CNTNAP5: variants seen among roughly 807,000 people sequenced by gnomAD.
The protein encoded by CNTNAP5 is contactin associated protein family member 5, also known as contactin-associated protein-like 5.
In CNTNAP5, 72 loss-of-function variants were observed where a neutral mutation model predicts 150.2. The ratio of observed to expected loss-of-function variants is 0.48; its 90% confidence interval spans 0.40 to 0.58. The LOEUF (loss-of-function observed/expected upper bound fraction) is 0.58, where lower values mean the gene tolerates loss of function less well. Among genes scored for constraint, CNTNAP5 ranks in the 20% least tolerant of loss-of-function variants. The pLI is 0.00. For missense variants in CNTNAP5, 1,636 were observed against 1,626.2 expected, an observed-to-expected ratio of 1.01 and a Z score of -0.10; for synonymous variants, 672 against 619.8, an observed-to-expected ratio of 1.08 and a Z score of -1.25.
At chr2:124,546,364 A>ATGTGTGTG (rs144497613) in intron 10 of CNTNAP5, among the ~76,000 whole-genome samples, 1 of 150,504 alleles carries the variant, frequency 6.6e-6, no homozygotes, top group Non-Finnish European at 1.5e-5. Flanking sequence ...GGATTTCTCA[A>ATGTGTGTG]TGTGTGTGTG....
chr2:124,801,017 C>T (rs1006285467), intron 19 of CNTNAP5, among the ~76,000 whole-genome samples: 5 of 151,952 alleles, frequency 3.3e-5, no homozygotes, highest in South Asian at 2.1e-4. Flanking sequence ...ATAGAGTGTC[C>T]GCCTTCCCCA....
intron 11 of CNTNAP5, among the ~76,000 whole-genome samples, chr2:124,588,991 A>G (rs1370024631): frequency 6.6e-6 from 1 of 152,142 alleles, no homozygotes; most frequent in Non-Finnish European, 1.5e-5. Flanking sequence ...CCTGACCTAC[A>G]ACATAACATC....
At position 124,713,249 on chromosome 2, in the gene CNTNAP5, CT is replaced by C. The variant is rs752250123; in HGVS notation, c.2078-33977del. On this transcript the variant is annotated intron_variant, in intron 13 of 23. Coordinates refer to ENST00000682447, the MANE Select transcript of CNTNAP5 (RefSeq NM_001367498.1). ...TTTCTTTCTTTCTTTCTTTCTCTTT[CT>C]TTCTTTCTTTCTTTCTTTCTTTCTT... 8.3e-4 allele frequency among the ~76,000 whole-genome samples: 59 copies of C among 71,314 alleles called. 2 individuals carry two copies. Among genetic ancestry groups the C allele is most frequent in the Non-Finnish European group, 1.4e-3 (44 of 31,028 alleles). The allele number at this position is 71,314 out of a possible 152,430, so 46.8% of individuals were successfully genotyped here.
At chr2:124,909,499 G>A (rs2104766795) in intron 22 of CNTNAP5, among the ~76,000 whole-genome samples, 1 of 152,166 alleles carries the variant, frequency 6.6e-6, no homozygotes, top group East Asian at 1.9e-4. Context: ...ACACATGACT[G>A]TATTTATAAA....
intron 1 of CNTNAP5, among the ~76,000 whole-genome samples, chr2:124,120,156 A>G (rs1047575648): frequency 6.6e-6 from 1 of 152,180 alleles, no homozygotes; most frequent in African/African-American, 2.4e-5. Flanking sequence ...TTCAGCAATT[A>G]CGGTATAGGG....
intron 19 of CNTNAP5, among the ~76,000 whole-genome samples, chr2:124,800,760 A>G (rs561099613): frequency 1.4e-4 from 22 of 152,322 alleles, no homozygotes; most frequent in African/African-American, 5.1e-4. Context: ...GGCTACATGC[A>G]GGAATCAAGA....
At chr2:124,718,617 C>G (rs942976269) in intron 13 of CNTNAP5, among the ~76,000 whole-genome samples, 2 of 152,066 alleles carry the variant, frequency 1.3e-5, no homozygotes, top group African/African-American at 4.8e-5. Context: ...AACTGTTTCT[C>G]TTAGGTGTGA....
intron 14 of CNTNAP5, 119 bp from the exon 15 acceptor site, chr2:124,763,553 C>A (rs1173597043): frequency 3.4e-5 from 29 of 861,284 alleles, no homozygotes; most frequent in South Asian, 2.6e-4. Flanking sequence ...TGTTTTCCCC[C>A]TCTCTGCCCC....
At chr2:124,156,382 G>T (rs144619286) in intron 1 of CNTNAP5, among the ~76,000 whole-genome samples, 3 of 152,194 alleles carry the variant, frequency 2.0e-5, no homozygotes, top group Non-Finnish European at 4.4e-5. Flanking sequence ...AAATGAAGAT[G>T]AATGATCATC....
At chr2:124,713,060 A>C (rs1352188917) in intron 13 of CNTNAP5, among the ~76,000 whole-genome samples, 3 of 152,134 alleles carry the variant, frequency 2.0e-5, no homozygotes, top group African/African-American at 7.2e-5. Flanking sequence ...GGTCACACAC[A>C]TTTAGACCAC....
intron 1 of CNTNAP5, among the ~76,000 whole-genome samples, chr2:124,181,904 C>G (rs1685219507): frequency 6.6e-6 from 1 of 152,010 alleles, no homozygotes; most frequent in African/African-American, 2.4e-5. Context: ...TCTCTTTTAC[C>G]CTTTCAATCC....
chr2:124,046,703 C>T (rs200614496), intron 1 of CNTNAP5, among the ~76,000 whole-genome samples: 42 of 151,790 alleles, frequency 2.8e-4, no homozygotes, highest in Non-Finnish European at 3.4e-4. Context: ...TAGACATTTT[C>T]GTACAAGAAA....
chr2:124,118,521 T>A (rs1683482318), intron 1 of CNTNAP5, among the ~76,000 whole-genome samples: 1 of 152,198 alleles, frequency 6.6e-6, no homozygotes, highest in African/African-American at 2.4e-5. Flanking sequence ...GTGTACACCA[T>A]CATGACCCAA....
chr2:124,281,754 G>A (rs1401209717), intron 3 of CNTNAP5, among the ~76,000 whole-genome samples: 4 of 152,088 alleles, frequency 2.6e-5, no homozygotes, highest in Admixed American at 2.0e-4. Context: ...GGGCTTCAGG[G>A]TTGTTGCTGA....
intron 1 of CNTNAP5, among the ~76,000 whole-genome samples, chr2:124,070,090 G>C (rs932808864): frequency 6.6e-6 from 1 of 151,890 alleles, no homozygotes; most frequent in East Asian, 1.9e-4. Context: ...TTTTGTTTAC[G>C]CAATTAGTGT....
intron 19 of CNTNAP5, among the ~76,000 whole-genome samples, chr2:124,850,100 A>G (rs1683124848): frequency 6.6e-6 from 1 of 152,204 alleles, no homozygotes; most frequent in Non-Finnish European, 1.5e-5. Flanking sequence ...TTGAAGGATG[A>G]AATATATGAA....
chr2:124,453,492 T>G (rs544999528), intron 6 of CNTNAP5, among the ~76,000 whole-genome samples: 1 of 152,276 alleles, frequency 6.6e-6, no homozygotes, highest in East Asian at 1.9e-4. Context: ...TCCCTGTCTT[T>G]GCTAGAGAAC....
intron 1 of CNTNAP5, among the ~76,000 whole-genome samples, chr2:124,142,304 C>T (rs1255338625): frequency 2.2e-5 from 3 of 137,006 alleles, no homozygotes; most frequent in African/African-American, 8.2e-5. Context: ...TAGACATCTA[C>T]AGAACTCTCC....
At chr2:124,530,506 G>C (rs1262233038) in intron 10 of CNTNAP5, among the ~76,000 whole-genome samples, 1 of 152,086 alleles carries the variant, frequency 6.6e-6, no homozygotes, top group African/African-American at 2.4e-5. Flanking sequence ...TTCATCCTGA[G>C]CAAAAGCTAA....
Sources: allele counts gnomAD v4.1 joint callset (sites outside exome capture counted in the v4.1 genomes callset), GRCh38; gene constraint gnomAD v4.1.1; transcripts MANE v1.5; gene names NCBI Gene and HGNC (gene_info 2026-07-23, HGNC 2026-07-21).